Variants in PSMD14 observed in about 807,000 individuals in gnomAD.
PSMD14 encodes the protein ubiquitin C-terminal hydrolase PSMD14.
In PSMD14, 7 loss-of-function variants were observed where a neutral mutation model predicts 41.2. The observed-to-expected ratio is 0.17, with a 90% CI of 0.10 to 0.32. The LOEUF (loss-of-function observed/expected upper bound fraction) is 0.32. Among genes scored for constraint, PSMD14 ranks in the 10% least tolerant of loss-of-function variants. The pLI is 1.00. For synonymous variants in PSMD14, 114 were observed against 122.3 expected, an observed-to-expected ratio of 0.93 and a Z score of 0.45; for missense variants, 139 against 375.6, an observed-to-expected ratio of 0.37 and a Z score of 5.21.
rs111295449 is a variant in PSMD14, at chr2:161,326,808, A to G, written c.48+7935A>G. 1.5e-3 allele frequency among the ~76,000 whole-genome samples: 233 copies of G among 152,362 alleles called. 3 individuals are homozygous for G. The highest frequency in any genetic ancestry group is 5.4e-3 in the African/African-American group (223 of 41,596). ...GGCATAGTATTTGCGCATAACCTAG[A>G]CACAGTCTCTCGCATACATTAAACC... On this transcript the variant is annotated intron_variant, in intron 3 of 11. Coordinates refer to ENST00000409682, the MANE Select transcript of PSMD14 (RefSeq NM_005805.6).
chr2:161,371,620 A>G (rs755489819), intron 7 of PSMD14, among the ~76,000 whole-genome samples: 17 of 152,166 alleles, frequency 1.1e-4, no homozygotes, highest in Non-Finnish European at 1.6e-4. Flanking sequence ...TGCTATAAAC[A>G]TTTTATTAAT....
At position 161,341,101 on chromosome 2, in the gene PSMD14, C is replaced by T. The variant is rs1682950634; in HGVS notation, c.48+22228C>T. The T allele has an allele frequency of 3.4e-6, 5 of 1,455,674 alleles. No homozygotes were observed. In the South Asian group the frequency reaches 5.3e-5, roughly 15 times the overall value. 90.2% of individuals were successfully genotyped at this position (1,455,674 alleles called of 1,614,324 possible). Reference sequence around the variant, plus strand: ...CCGAGCTCCCCCAGCCCCGCGGGCTCTCCAGGCTCCTCCGGCCCCGCGGGC... The same window carrying T: ...CCGAGCTCCCCCAGCCCCGCGGGCTTTCCAGGCTCCTCCGGCCCCGCGGGC... On this transcript the variant is annotated intron_variant, in intron 3 of 11. Transcript: ENST00000409682.
intron 11 of PSMD14, 81 bp downstream of exon 11, chr2:161,408,980 A>C: frequency 8.8e-7 from 1 of 1,140,864 alleles, no homozygotes; most frequent in Non-Finnish European, 1.2e-6. Flanking sequence ...GGCCTATATA[A>C]TTTTTTTCCT....
intron 3 of PSMD14, among the ~76,000 whole-genome samples, chr2:161,363,933 A>T (rs1309964558): frequency 6.6e-6 from 1 of 152,224 alleles, no homozygotes; most frequent in Non-Finnish European, 1.5e-5. Flanking sequence ...TGTGTTAGAC[A>T]GCTCAATTAG....
intron 8 of PSMD14, among the ~76,000 whole-genome samples, chr2:161,389,912 T>TTTTTTA (rs1299369817): frequency 7.7e-6 from 1 of 130,288 alleles, no homozygotes; most frequent in African/African-American, 3.3e-5. Flanking sequence ...TTTTTTTTTT[T>TTTTTTA]AGAGATGGGG....
At chr2:161,384,589 T>A (rs1683610372) in intron 7 of PSMD14, 3 of 151,786 alleles carry the variant, frequency 2.0e-5, no homozygotes, top group Non-Finnish European at 4.4e-5. Context: ...TTGTTTCATG[T>A]GATAAATCTA....
intron 3 of PSMD14, among the ~76,000 whole-genome samples, chr2:161,330,849 T>C (rs1682776774): frequency 6.6e-6 from 1 of 152,228 alleles, no homozygotes; most frequent in African/African-American, 2.4e-5. Flanking sequence ...ATAGTTGTAC[T>C]TTTCTCTTAC....
At chr2:161,356,396 T>G (rs186464784) in intron 3 of PSMD14, among the ~76,000 whole-genome samples, 4 of 152,270 alleles carry the variant, frequency 2.6e-5, no homozygotes, top group South Asian at 2.1e-4. Flanking sequence ...AACAGTACAA[T>G]GGTAGTTAGT....
intron 5 of PSMD14, 78 bp downstream of exon 5, chr2:161,367,981 A>C: frequency 2.1e-6 from 3 of 1,427,824 alleles, no homozygotes; most frequent in Non-Finnish European, 2.8e-6. Flanking sequence ...ACTAACTCTC[A>C]TCATATTACA....
chr2:161,343,261 TTC>T (rs1031906123), intron 3 of PSMD14, among the ~76,000 whole-genome samples: 10 of 152,192 alleles, frequency 6.6e-5, no homozygotes, highest in Middle Eastern at 3.2e-3. Flanking sequence ...GCATTCCACT[TTC>T]TGTTTGTTAC....
intron 3 of PSMD14, among the ~76,000 whole-genome samples, chr2:161,331,365 C>T (rs1404683430): frequency 6.6e-6 from 1 of 151,882 alleles, no homozygotes; most frequent in African/African-American, 2.4e-5. Flanking sequence ...CAGGTTCAAG[C>T]GGTTCTCCTG....
At chr2:161,407,807 T>A (rs545999974) in intron 10 of PSMD14, 1 of 152,240 alleles carries the variant, frequency 6.6e-6, no homozygotes, top group Admixed American at 6.5e-5. Context: ...GTGTTGGCAT[T>A]TCTTAAGGTT....
At chr2:161,349,136 A>G (rs1021300302) in intron 3 of PSMD14, among the ~76,000 whole-genome samples, 2 of 152,204 alleles carry the variant, frequency 1.3e-5, no homozygotes, top group African/African-American at 4.8e-5. Context: ...AAATTTTGCT[A>G]TTGAAAGTAA....
intron 3 of PSMD14, among the ~76,000 whole-genome samples, chr2:161,323,462 G>A (rs535027355): frequency 1.3e-5 from 2 of 152,128 alleles, no homozygotes; most frequent in South Asian, 4.2e-4. Flanking sequence ...TAGGAGTTCA[G>A]GACCAGCCTG....
chr2:161,394,922 C>G (rs1020206755), intron 9 of PSMD14, among the ~76,000 whole-genome samples, 156 bp from the exon 10 acceptor site: 8 of 150,596 alleles, frequency 5.3e-5, no homozygotes, highest in African/African-American at 2.0e-4. Context: ...TATATTAATA[C>G]AAATATAGGA....
chr2:161,410,172 T>C (rs1684003856), intron 11 of PSMD14, among the ~76,000 whole-genome samples: 1 of 152,158 alleles, frequency 6.6e-6, no homozygotes, highest in Non-Finnish European at 1.5e-5. Flanking sequence ...TGTAATGGAA[T>C]TAAACCAATA....
At chr2:161,389,889 G>GTTGTTGTTTTT in intron 8 of PSMD14, among the ~76,000 whole-genome samples, 4 of 20,044 alleles carry the variant, frequency 2.0e-4, no homozygotes, top group South Asian at 2.6e-3. Flanking sequence ...CTTTTTTGTT[G>GTTGTTGTTTTT]TTTTTTTTTT....
At chr2:161,376,124 C>T (rs2105260159) in intron 7 of PSMD14, among the ~76,000 whole-genome samples, 1 of 149,512 alleles carries the variant, frequency 6.7e-6, no homozygotes, top group East Asian at 2.0e-4. Flanking sequence ...TATATATACT[C>T]TCTCTCATAT....
intron 7 of PSMD14, among the ~76,000 whole-genome samples, chr2:161,378,958 A>G (rs1256853196): frequency 6.6e-6 from 1 of 152,014 alleles, no homozygotes; most frequent in Non-Finnish European, 1.5e-5. Context: ...GCCTTTGCCT[A>G]TTGAGAGACA....
Sources: gnomAD v4.1 joint callset for allele counts (sites outside exome capture counted in the v4.1 genomes callset) on GRCh38, gnomAD v4.1.1 for gene constraint, MANE v1.5 for transcripts, NCBI Gene and HGNC (gene_info 2026-07-23, HGNC 2026-07-21) for gene names.